The following OLFML2A variants were observed in gnomAD, a reference collection of about 807,000 sequenced individuals.
The protein encoded by OLFML2A is olfactomedin like 2A.
OLFML2A carries 47 observed loss-of-function variants against 60.9 expected under a neutral mutation model. That is an observed-to-expected ratio of 0.77 (90% CI 0.61 to 0.98). The LOEUF is 0.98. OLFML2A is among the 50% of genes least tolerant of loss of function. The pLI is 0.00. For missense variants in OLFML2A, 922 were observed against 879.8 expected (o/e 1.05, Z -0.61); for synonymous variants, 372 against 375.0 (o/e 0.99, Z 0.09).
chr9:124,792,809 G>A (rs543119341), intron 2 of OLFML2A, among the ~76,000 whole-genome samples: 1 of 152,288 alleles, frequency 6.6e-6, no homozygotes, highest in Non-Finnish European at 1.5e-5. Context: ...ATACACTGCT[G>A]CTCCTTACTA....
chr9:124,782,584 AGCCCAG>A (rs1841380988), intron 1 of OLFML2A, among the ~76,000 whole-genome samples: 1 of 152,160 alleles, frequency 6.6e-6, no homozygotes, highest in Non-Finnish European at 1.5e-5. Context: ...CTGGGACTTA[AGCCCAG>A]GTCTGGCTCT....
rs1253864997 is a variant in OLFML2A at position 124,807,964 on chromosome 9, A to G, written c.1352A>G (p.Gln451Arg). The change falls in exon 7 of 8, where the codon CAA becomes CGA. Residue 451 changes from glutamine to arginine, a missense_variant and splice_region_variant. Coordinates refer to ENST00000373580, the MANE Select transcript of OLFML2A (RefSeq NM_182487.4). ...TTCCGCAACCTGGAAAACTTCAAGC[A>G]AGGTCAGGGACCCCCGGAGGTGGAG... The part of the protein sequence containing the change: ...VEFRNLENFK[Q>R]GRWSNMYKLP... 2 of 1,613,594 alleles carry G rather than the reference A, an allele frequency of 1.2e-6. No individual in the cohort carries two copies. Among genetic ancestry groups the G allele is most frequent in the Non-Finnish European group, 1.7e-6 (2 of 1,179,558 alleles).
chr9:124,809,545 G>A (rs116488522), intron 7 of OLFML2A, among the ~76,000 whole-genome samples: 184 of 152,194 alleles, frequency 1.2e-3, no homozygotes, highest in African/African-American at 4.0e-3. Context: ...ATGTCACCCT[G>A]TGTCTAAATC....
rs769080092 is a variant in OLFML2A at position 124,810,138 on chromosome 9, G to A, written c.1685G>A (p.Arg562Gln). The A allele has an allele frequency of 5.0e-6, 8 of 1,613,720 alleles. No homozygotes were observed. The highest frequency in any genetic ancestry group is 2.2e-5 in the East Asian group (1 of 44,892). ...RLDPGDLSVH[R>Q]ETTWKTRLRR... is the part of the protein sequence containing the mutation. The stretch of plus-strand genomic sequence containing the variant: ...GACCCCGGCGATCTCTCCGTGCACC[G>A]GGAGACCACGTGGAAGACACGGCTG... The change falls in exon 8 of 8, where the codon CGG (arginine) becomes CAG (glutamine). Residue 562 changes from arginine to glutamine, a missense_variant. By Grantham distance (43) the Arg-to-Gln change is conservative. Transcript: ENST00000373580.
chr9:124,777,822 G>T lies in OLFML2A; in HGVS notation c.90+462G>T, dbSNP rs1841285075. On this transcript the variant is annotated intron_variant, in intron 1 of 7. Coordinates refer to ENST00000373580, the MANE Select transcript of OLFML2A (RefSeq NM_182487.4). The surrounding 1 kb of genome is among the most constrained non-coding windows in gnomAD (Gnocchi z 6.2). Reference sequence around the variant, plus strand: ...CACTCGCCTGGCCTCTGATGTTCTTGCCAGGGACCGGGTGCACCCCCTGGA... The same window carrying T: ...CACTCGCCTGGCCTCTGATGTTCTTTCCAGGGACCGGGTGCACCCCCTGGA... Among the ~76,000 whole-genome samples the T allele has an allele frequency of 6.6e-6, 1 of 152,150 alleles. No individual in the cohort carries two copies. The highest frequency in any genetic ancestry group is 6.5e-5 in the Admixed American group (1 of 15,278).
At position 124,777,707 on chromosome 9, in the gene OLFML2A, C is replaced by T. The variant is rs1376426622; in HGVS notation, c.90+347C>T. On this transcript the variant is annotated intron_variant, in intron 1 of 7. Transcript: ENST00000373580. This position sits in a 1 kb window ranked among gnomAD's most constrained non-coding sequence, Gnocchi z 6.2. ...TCCTGGCAACTGTTACCCAACGACTCCCAGGCTTGCAGCAAGCCCTGGGCC... is the reference window on the plus strand; with the variant it reads ...TCCTGGCAACTGTTACCCAACGACTTCCAGGCTTGCAGCAAGCCCTGGGCC... 6.6e-6 allele frequency among the ~76,000 whole-genome samples: 1 copy of T among 152,128 alleles called. No homozygotes were observed. Among genetic ancestry groups the T allele is most frequent in the African/African-American group, 2.4e-5 (1 of 41,424 alleles).
chr9:124,792,646 G>T (rs184004220), intron 2 of OLFML2A, among the ~76,000 whole-genome samples: 2 of 152,144 alleles, frequency 1.3e-5, no homozygotes, highest in African/African-American at 4.8e-5. Context: ...GGGTCATCTC[G>T]CAAGGGAGGG....
At chr9:124,788,744 G>A (rs1425163521) in intron 2 of OLFML2A, among the ~76,000 whole-genome samples, 1 of 152,176 alleles carries the variant, frequency 6.6e-6, no homozygotes, top group Non-Finnish European at 1.5e-5. Flanking sequence ...GTCTGGGGTA[G>A]ATCTCAGTCC....
Position 124,800,326 on chromosome 9 carries a change from G to A in OLFML2A, c.669+835G>A, listed in dbSNP as rs1343600202. ...CACTGGCCTTGTGTTTTGGTGAGTG[G>A]CTGAAGAAGGGAGCTGACATTTGTG... On this transcript the variant is annotated intron_variant, in intron 4 of 7. Transcript: ENST00000373580. 2.0e-5 allele frequency among the ~76,000 whole-genome samples: 3 copies of A among 152,364 alleles called. No individual in the cohort carries two copies. In the East Asian group the frequency reaches 5.8e-4, roughly 29 times the overall value.
At chr9:124,799,128 G>A (rs1841721195) in intron 3 of OLFML2A, among the ~76,000 whole-genome samples, 157 bp from the exon 4 acceptor site, 1 of 151,988 alleles carries the variant, frequency 6.6e-6, no homozygotes, top group Non-Finnish European at 1.5e-5. Flanking sequence ...GGGTCTCTTG[G>A]AGCCTATTTT....
intron 1 of OLFML2A, among the ~76,000 whole-genome samples, chr9:124,782,126 A>G (rs1298788951): frequency 6.6e-6 from 1 of 152,196 alleles, no homozygotes; most frequent in East Asian, 1.9e-4. Context: ...CTCAGGTTCT[A>G]TGCCCCCCAG....
At chr9:124,781,123 T>C (rs564014729) in intron 1 of OLFML2A, among the ~76,000 whole-genome samples, 1 of 152,214 alleles carries the variant, frequency 6.6e-6, no homozygotes, top group African/African-American at 2.4e-5. Flanking sequence ...GGAGGAGCTT[T>C]TGGGAGATTC....
intron 6 of OLFML2A, among the ~76,000 whole-genome samples, chr9:124,806,297 G>A (rs1024781519): frequency 1.1e-4 from 17 of 152,094 alleles, no homozygotes; most frequent in African/African-American, 4.1e-4. Flanking sequence ...TTTTTTAAAT[G>A]TGTGTATTTA....
At chr9:124,794,468 C>G (rs1202771182) in intron 2 of OLFML2A, among the ~76,000 whole-genome samples, 1 of 152,176 alleles carries the variant, frequency 6.6e-6, no homozygotes, top group African/African-American at 2.4e-5. Context: ...CTTAAAGCCC[C>G]TAGCACAGCG....
chr9:124,801,648 A>G lies in OLFML2A; in HGVS notation c.904A>G (p.Thr302Ala). Reference sequence around the variant, plus strand: ...CTACAAGGCAGGCAAGCAGGAGGTGACCGAGGCGGTGGCAGGTGAGTAGGA... The same window carrying G: ...CTACAAGGCAGGCAAGCAGGAGGTGGCCGAGGCGGTGGCAGGTGAGTAGGA... ...TYYKAGKQEV[T>A]EAVADNTLQG... The change falls in exon 5 of 8, where the codon ACC becomes GCC. Residue 302 changes from threonine (T) to alanine (A), a missense_variant. Coordinates refer to ENST00000373580, the MANE Select transcript of OLFML2A (RefSeq NM_182487.4). 6.2e-7 allele frequency: 1 copy of G among 1,613,060 alleles called. No individual in the cohort carries two copies.
At chr9:124,787,319 A>AC in intron 2 of OLFML2A, 81 bp downstream of exon 2, 1 of 1,375,884 alleles carries the variant, frequency 7.3e-7, no homozygotes. Flanking sequence ...AATTCCACAC[A>AC]CTCTGTGAGG....
chr9:124,807,106 T>G (rs1841909808), intron 6 of OLFML2A, among the ~76,000 whole-genome samples: 1 of 148,420 alleles, frequency 6.7e-6, no homozygotes, highest in African/African-American at 2.5e-5. Flanking sequence ...TTTTTTTTTG[T>G]AGAGAGAAGG....
At chr9:124,781,441 C>T (rs1236561386) in intron 1 of OLFML2A, among the ~76,000 whole-genome samples, 1 of 152,082 alleles carries the variant, frequency 6.6e-6, no homozygotes, top group African/African-American at 2.4e-5. Context: ...TTGGGGAGGT[C>T]TTTGCCTCAT....
chr9:124,783,702 C>T (rs1206896441), intron 1 of OLFML2A, among the ~76,000 whole-genome samples: 1 of 152,168 alleles, frequency 6.6e-6, no homozygotes, highest in Non-Finnish European at 1.5e-5. Flanking sequence ...AATGCAGGCT[C>T]ATTTACCCAA....
Sources: allele counts gnomAD v4.1 joint callset (sites outside exome capture counted in the v4.1 genomes callset), GRCh38; gene constraint gnomAD v4.1.1; non-coding constraint Gnocchi (gnomAD v3.1); transcripts MANE v1.5; gene names NCBI Gene and HGNC (gene_info 2026-07-23, HGNC 2026-07-21).